The following SCHIP1 variants were observed in gnomAD, a reference collection of about 807,000 sequenced individuals.
SCHIP1 encodes the protein schwannomin-interacting protein 1.
Under a neutral mutation model 29.7 loss-of-function variants are expected in SCHIP1, and 8 were observed. The observed-to-expected ratio is 0.27, with a 90% CI of 0.16 to 0.49. The LOEUF (loss-of-function observed/expected upper bound fraction) is 0.49. Among genes scored for constraint, SCHIP1 ranks in the 20% least tolerant of loss-of-function variants. SCHIP1 has a pLI of 0.99. For synonymous variants in SCHIP1, 76 were observed against 94.9 expected (o/e 0.80, Z 1.16); for missense variants, 193 against 294.6 (o/e 0.66, Z 2.52).
the SCHIP1 span, among the ~76,000 whole-genome samples, chr3:159,468,756 A>AATATATATAT: frequency 1.0e-3 from 124 of 123,838 alleles, no homozygotes; most frequent in African/African-American, 3.3e-3. Context: ...TATATAATAT[A>AATATATATAT]ATATATATAT....
At chr3:159,810,580 A>T in the SCHIP1 span, among the ~76,000 whole-genome samples, 1 of 152,178 alleles carries the variant, frequency 6.6e-6, no homozygotes, top group South Asian at 2.1e-4. Flanking sequence ...AATCTTTTAC[A>T]TCTGGCTTCT....
At chr3:159,409,962 A>T in the SCHIP1 span, among the ~76,000 whole-genome samples, 2 of 152,166 alleles carry the variant, frequency 1.3e-5, no homozygotes, top group African/African-American at 4.8e-5. Flanking sequence ...AAACCCAGAA[A>T]CAAATCCATA....
chr3:159,780,736 G>A, the SCHIP1 span, among the ~76,000 whole-genome samples: 7 of 152,188 alleles, frequency 4.6e-5, no homozygotes, highest in Non-Finnish European at 8.8e-5. Context: ...TAATGGGATG[G>A]GATGACAGGG....
At chr3:159,813,372 G>A in the SCHIP1 span, among the ~76,000 whole-genome samples, 62 of 152,070 alleles carry the variant, frequency 4.1e-4, no homozygotes, top group African/African-American at 1.5e-3. Context: ...AATTGTATAC[G>A]TCCATAAGTG....
chr3:159,896,396 CAT>C (rs1348584054), intron 6 of SCHIP1, among the ~76,000 whole-genome samples: 2 of 152,200 alleles, frequency 1.3e-5, no homozygotes, highest in Non-Finnish European at 2.9e-5. Flanking sequence ...ATGGAAGACA[CAT>C]ATTTAATATT....
At chr3:159,475,761 CA>C in the SCHIP1 span, among the ~76,000 whole-genome samples, 1 of 152,140 alleles carries the variant, frequency 6.6e-6, no homozygotes, top group Non-Finnish European at 1.5e-5. Context: ...TAGGCAACTT[CA>C]AAAATTTTCT....
At chr3:159,304,589 A>G in the SCHIP1 span, among the ~76,000 whole-genome samples, 3 of 152,322 alleles carry the variant, frequency 2.0e-5, no homozygotes, top group Middle Eastern at 6.8e-3. Context: ...CATTTTTCAC[A>G]TAAACATACA....
chr3:159,736,668 CA>C, the SCHIP1 span, among the ~76,000 whole-genome samples: 1 of 152,246 alleles, frequency 6.6e-6, no homozygotes, highest in East Asian at 1.9e-4. Flanking sequence ...CAGTCTACTG[CA>C]TGCCTGCACC....
the SCHIP1 span, among the ~76,000 whole-genome samples, chr3:159,463,027 A>G: frequency 1.3e-5 from 2 of 152,044 alleles, no homozygotes; most frequent in Non-Finnish European, 1.5e-5. Context: ...TATTTATTAT[A>G]TAGACACGGA....
At chr3:159,504,604 A>C in the SCHIP1 span, among the ~76,000 whole-genome samples, 1 of 152,184 alleles carries the variant, frequency 6.6e-6, no homozygotes, top group Admixed American at 6.5e-5. Context: ...TTATACATAC[A>C]AGTCTGATTA....
At chr3:159,657,802 G>C in the SCHIP1 span, among the ~76,000 whole-genome samples, 1 of 152,230 alleles carries the variant, frequency 6.6e-6, no homozygotes. Flanking sequence ...TTCTGTGGAC[G>C]CAGTTGCTAT....
chr3:159,547,978 A>C, the SCHIP1 span, among the ~76,000 whole-genome samples: 1 of 152,312 alleles, frequency 6.6e-6, no homozygotes, highest in East Asian at 1.9e-4. Flanking sequence ...GAGGAATTAC[A>C]TCCATTTTTT....
chr3:159,813,519 C>T, the SCHIP1 span, among the ~76,000 whole-genome samples: 58 of 151,836 alleles, frequency 3.8e-4, no homozygotes, highest in African/African-American at 1.4e-3. Flanking sequence ...GGGGAGACCC[C>T]GTCTCTACAA....
At chr3:159,313,342 C>T in the SCHIP1 span, among the ~76,000 whole-genome samples, 51 of 152,262 alleles carry the variant, frequency 3.3e-4, 2 homozygotes, top group South Asian at 0.011. Context: ...CCTCCCTAAA[C>T]TTGGGCACTT....
the SCHIP1 span, among the ~76,000 whole-genome samples, chr3:159,537,745 G>T: frequency 6.6e-6 from 1 of 151,980 alleles, no homozygotes; most frequent in Non-Finnish European, 1.5e-5. Context: ...AACTTTTATG[G>T]CTACATTTAC....
the SCHIP1 span, among the ~76,000 whole-genome samples, chr3:159,669,715 A>G: frequency 1.3e-5 from 2 of 152,216 alleles, 1 homozygote; most frequent in South Asian, 4.1e-4. Flanking sequence ...ACTTTCCTAG[A>G]TGGATAAATA....
At chr3:159,633,654 C>T in the SCHIP1 span, among the ~76,000 whole-genome samples, 6 of 152,224 alleles carry the variant, frequency 3.9e-5, no homozygotes, top group South Asian at 4.2e-4. Context: ...TTCTACCAGA[C>T]GTATCAAAAC....
chr3:159,437,616 T>A, the SCHIP1 span, among the ~76,000 whole-genome samples: 1 of 151,938 alleles, frequency 6.6e-6, no homozygotes, highest in African/African-American at 2.4e-5. Flanking sequence ...AGGGGGAAAT[T>A]CATCTCCATT....
the SCHIP1 span, among the ~76,000 whole-genome samples, chr3:159,381,606 CTTCTTCTTTTTT>C: frequency 6.6e-6 from 1 of 151,088 alleles, no homozygotes; most frequent in African/African-American, 2.5e-5. Context: ...ATTTCTTTTT[CTTCTTCTTTTTT>C]TTTTGTACAC....
Sources: allele counts gnomAD v4.1 joint callset (sites outside exome capture counted in the v4.1 genomes callset), GRCh38; gene constraint gnomAD v4.1.1; transcripts MANE v1.5; gene names NCBI Gene and HGNC (gene_info 2026-07-23, HGNC 2026-07-21).